The following MACROD2 variants were observed in gnomAD, a reference collection of about 807,000 sequenced individuals.
The protein encoded by MACROD2 is ADP-ribose glycohydrolase MACROD2.
Under a neutral mutation model 70.4 loss-of-function variants are expected in MACROD2, and 36 were observed. The ratio of observed to expected loss-of-function variants is 0.51; its 90% CI spans 0.39 to 0.68. The LOEUF is 0.68. Ranked by LOEUF, MACROD2 falls within the 30% of genes least tolerant of loss-of-function variation. MACROD2 has a pLI of 0.00. For missense variants in MACROD2, 496 were observed against 538.4 expected (o/e 0.92, Z 0.78); for synonymous variants, 172 against 178.8 (o/e 0.96, Z 0.30).
chr20:14,134,679 C>G (rs950319153), intron 3 of MACROD2, among the ~76,000 whole-genome samples: 6 of 151,496 alleles, frequency 4.0e-5, no homozygotes, highest in African/African-American at 1.2e-4. Context: ...GTGGCGCGTG[C>G]GTGTAGTCCC....
chr20:14,355,860 G>A (rs1021727826), intron 3 of MACROD2, among the ~76,000 whole-genome samples: 5 of 152,166 alleles, frequency 3.3e-5, no homozygotes, highest in African/African-American at 9.7e-5. Flanking sequence ...ATTATTGGGA[G>A]TGGAGAGGGC....
chr20:15,339,823 C>T (rs770569950), intron 6 of MACROD2, among the ~76,000 whole-genome samples: 12 of 151,614 alleles, frequency 7.9e-5, no homozygotes, highest in Non-Finnish European at 1.5e-4. Context: ...GGCTACATAT[C>T]ATTTGGCCTG....
rs2050942036 is a variant in MACROD2 at position 15,731,161 on chromosome 20, A to G, written c.646-131584A>G. Among the ~76,000 whole-genome samples the G allele has an allele frequency of 3.4e-5, 2 of 58,428 alleles. 1 individual carries two copies. The highest frequency in any genetic ancestry group is 3.4e-4 in the Admixed American group (2 of 5,962). The allele number at this position is 58,428 out of a possible 152,430, so 38.3% of individuals were successfully genotyped here. A position where few individuals can be genotyped will look rare whatever the true frequency, so the allele number is the denominator to read the frequency against. Reference sequence around the variant, plus strand: ...GTTTTCATTTCTATCCATAGTCTGAATTTTATTTCTGTAATCTCAGCCATT... The same window carrying G: ...GTTTTCATTTCTATCCATAGTCTGAGTTTTATTTCTGTAATCTCAGCCATT... On this transcript the variant is annotated intron_variant, in intron 8 of 17. Transcript: ENST00000684519.
At chr20:15,153,122 G>GT in intron 5 of MACROD2, among the ~76,000 whole-genome samples, 1 of 152,184 alleles carries the variant, frequency 6.6e-6, no homozygotes, top group East Asian at 1.9e-4. Flanking sequence ...CCCAAGGGAG[G>GT]TCCCCCAGTT....
chr20:14,669,281 G>C (rs756677475), intron 4 of MACROD2, among the ~76,000 whole-genome samples: 1 of 152,090 alleles, frequency 6.6e-6, no homozygotes, highest in Admixed American at 6.6e-5. Flanking sequence ...AATGGCAAAA[G>C]GTTTGCCAAA....
intron 8 of MACROD2, among the ~76,000 whole-genome samples, chr20:15,544,572 C>T (rs2048002181): frequency 6.6e-6 from 1 of 152,108 alleles, no homozygotes; most frequent in Non-Finnish European, 1.5e-5. Context: ...CCAAGAATCT[C>T]AATGTGAATT....
At chr20:14,761,145 C>A (rs1287616003) in intron 5 of MACROD2, among the ~76,000 whole-genome samples, 1 of 152,028 alleles carries the variant, frequency 6.6e-6, no homozygotes, top group African/African-American at 2.4e-5. Flanking sequence ...GCCCTCAATA[C>A]CATTTTGTCT....
At chr20:15,751,900 C>T (rs2051277313) in intron 8 of MACROD2, among the ~76,000 whole-genome samples, 1 of 151,000 alleles carries the variant, frequency 6.6e-6, no homozygotes, top group East Asian at 2.0e-4. Flanking sequence ...AGTCAGTGTA[C>T]ATCAAATGTG....
chr20:15,459,437 A>G (rs113310743), intron 7 of MACROD2, among the ~76,000 whole-genome samples: 1 of 152,128 alleles, frequency 6.6e-6, no homozygotes, highest in African/African-American at 2.4e-5. Context: ...AATACCTGCC[A>G]TATTAATGGC....
At chr20:15,184,068 G>A (rs911610989) in intron 5 of MACROD2, among the ~76,000 whole-genome samples, 1 of 148,016 alleles carries the variant, frequency 6.8e-6, no homozygotes, top group Non-Finnish European at 1.5e-5. Context: ...ATTCCGGATA[G>A]CGAATGTTTC....
chr20:15,313,506 CAAAAAA>C (rs11314563), intron 6 of MACROD2, among the ~76,000 whole-genome samples: 1 of 86,230 alleles, frequency 1.2e-5, no homozygotes, highest in African/African-American at 4.3e-5. Context: ...GACTCCGTCT[CAAAAAA>C]AAAAAAAAAA....
intron 3 of MACROD2, among the ~76,000 whole-genome samples, chr20:14,337,039 C>T (rs531164425): frequency 9.2e-5 from 14 of 152,302 alleles, no homozygotes; most frequent in East Asian, 1.9e-4. Flanking sequence ...TCATCCCACA[C>T]GTACAGTACA....
chr20:15,090,908 C>T (rs1170370483), intron 5 of MACROD2, among the ~76,000 whole-genome samples: 2 of 152,148 alleles, frequency 1.3e-5, no homozygotes, highest in African/African-American at 4.8e-5. Context: ...CTGACTTCCC[C>T]CTGCCATCAT....
intron 15 of MACROD2, among the ~76,000 whole-genome samples, chr20:16,040,172 C>T: frequency 6.6e-6 from 1 of 151,894 alleles, no homozygotes; most frequent in East Asian, 1.9e-4. Flanking sequence ...AAGCTCAGAG[C>T]CCAGTCACCT....
At chr20:15,380,155 C>G (rs1171116062) in intron 6 of MACROD2, among the ~76,000 whole-genome samples, 2 of 145,916 alleles carry the variant, frequency 1.4e-5, no homozygotes, top group Non-Finnish European at 3.0e-5. Flanking sequence ...CCACCCCCAT[C>G]TGTCATTCTT....
At chr20:14,300,390 C>T (rs2082464431) in intron 3 of MACROD2, among the ~76,000 whole-genome samples, 1 of 152,184 alleles carries the variant, frequency 6.6e-6, no homozygotes, top group Non-Finnish European at 1.5e-5. Flanking sequence ...AGCCCATGCT[C>T]TTTATTGCTG....
chr20:15,072,540 A>G (rs1287969707), intron 5 of MACROD2, among the ~76,000 whole-genome samples: 1 of 152,140 alleles, frequency 6.6e-6, no homozygotes, highest in Non-Finnish European at 1.5e-5. Flanking sequence ...CTTCTTCCCA[A>G]CTGTGAGCTT....
chr20:15,633,262 T>C (rs563069155), intron 8 of MACROD2, among the ~76,000 whole-genome samples: 1 of 152,300 alleles, frequency 6.6e-6, no homozygotes, highest in Admixed American at 6.5e-5. Flanking sequence ...GAAAAAATAA[T>C]GAGACAACAG....
intron 8 of MACROD2, among the ~76,000 whole-genome samples, chr20:15,747,390 A>G (rs1441547736): frequency 6.6e-6 from 1 of 152,168 alleles, no homozygotes; most frequent in Non-Finnish European, 1.5e-5. Context: ...AACGTTTGGT[A>G]ATCACCTATG....
Sources: gnomAD v4.1 joint callset for allele counts (sites outside exome capture counted in the v4.1 genomes callset) on GRCh38, gnomAD v4.1.1 for gene constraint, MANE v1.5 for transcripts, NCBI Gene and HGNC (gene_info 2026-07-23, HGNC 2026-07-21) for gene names.